KDM4C: variants seen among roughly 807,000 people sequenced by gnomAD.
The protein encoded by KDM4C is lysine demethylase 4C.
A neutral mutation model predicts 129.3 loss-of-function variants in KDM4C; 81 were observed. That is an observed-to-expected ratio of 0.63 (90% CI 0.52 to 0.75). KDM4C has a LOEUF of 0.75. Ranked by LOEUF, KDM4C falls within the 30% of genes least tolerant of loss-of-function variation. The pLI is 0.00. For missense variants in KDM4C, 1,457 were observed against 1,304.0 expected (o/e 1.12, Z -1.81); for synonymous variants, 573 against 456.1 (o/e 1.26, Z -3.26).
intron 2 of KDM4C, among the ~76,000 whole-genome samples, chr9:6,795,430 C>T (rs1355864577): frequency 1.3e-5 from 2 of 152,370 alleles, no homozygotes; most frequent in Non-Finnish European, 2.9e-5. Flanking sequence ...CTCCTGGTTT[C>T]AAGCTATTCT....
intron 8 of KDM4C, among the ~76,000 whole-genome samples, chr9:6,935,291 A>G (rs1326901342): frequency 6.6e-6 from 1 of 152,156 alleles, no homozygotes; most frequent in Non-Finnish European, 1.5e-5. Context: ...TTCTATAATT[A>G]TAATCATATT....
At chr9:7,003,083 C>G (rs1282511831) in intron 12 of KDM4C, among the ~76,000 whole-genome samples, 2 of 152,174 alleles carry the variant, frequency 1.3e-5, no homozygotes, top group Non-Finnish European at 2.9e-5. Context: ...TCAGGCTGGT[C>G]TCGAACTCCT....
chr9:6,973,899 C>T (rs1330485286), intron 8 of KDM4C: 1 of 152,200 alleles, frequency 6.6e-6, no homozygotes, highest in African/African-American at 2.4e-5. Context: ...TAAATGTCTT[C>T]AACATCGCTC....
At position 6,869,439 on chromosome 9, in the gene KDM4C, T is replaced by C. The variant is rs138428011; in HGVS notation, c.630-10573T>C. Among the ~76,000 whole-genome samples the C allele has an allele frequency of 2.4e-3, 365 of 152,322 alleles. 1 individual carries two copies. Among genetic ancestry groups the C allele is most frequent in the Non-Finnish European group, 4.0e-3 (272 of 68,026 alleles). On this transcript the variant is annotated intron_variant, in intron 5 of 21. Coordinates refer to ENST00000381309, the MANE Select transcript of KDM4C (RefSeq NM_015061.6). ...GACACCTCTTTACAAACATGTTTATTGTTACTGTTTTAGCTTAGATTACTT... is the reference window on the plus strand; with the variant it reads ...GACACCTCTTTACAAACATGTTTATCGTTACTGTTTTAGCTTAGATTACTT...
chr9:6,916,009 C>G (rs1820247025), intron 8 of KDM4C, among the ~76,000 whole-genome samples: 1 of 152,080 alleles, frequency 6.6e-6, no homozygotes, highest in Admixed American at 6.6e-5. Flanking sequence ...TCCAACATGG[C>G]ATGAATTTGG....
At chr9:7,152,992 C>G (rs1842854184) in intron 19 of KDM4C, among the ~76,000 whole-genome samples, 1 of 152,192 alleles carries the variant, frequency 6.6e-6, no homozygotes, top group African/African-American at 2.4e-5. Context: ...TGACAGTGAT[C>G]ACTTGTGATA....
intron 8 of KDM4C, among the ~76,000 whole-genome samples, chr9:6,897,885 G>A (rs540856271): frequency 2.0e-5 from 3 of 152,242 alleles, no homozygotes; most frequent in South Asian, 4.1e-4. Context: ...AGCTCGTTTA[G>A]CAGTTGAAAT....
intron 1 of KDM4C, among the ~76,000 whole-genome samples, chr9:6,759,577 C>T (rs189650728): frequency 6.6e-6 from 1 of 152,210 alleles, no homozygotes; most frequent in East Asian, 1.9e-4. Context: ...TTACAGTATC[C>T]CGCAAACTTG....
chr9:6,972,726 G>T (rs187383902), intron 8 of KDM4C, among the ~76,000 whole-genome samples: 1 of 152,160 alleles, frequency 6.6e-6, no homozygotes, highest in Admixed American at 6.5e-5. Context: ...TTAGTTCTGC[G>T]TGTTGGATAC....
At chr9:6,940,865 G>A (rs920282961) in intron 8 of KDM4C, among the ~76,000 whole-genome samples, 1 of 151,090 alleles carries the variant, frequency 6.6e-6, no homozygotes, top group African/African-American at 2.4e-5. Context: ...CTAATATACA[G>A]CATCTATAAG....
At position 6,731,313 on chromosome 9, in the gene KDM4C, AT is replaced by A. The variant is rs1053829449; in HGVS notation, c.49+10326del. 8.4e-4 allele frequency among the ~76,000 whole-genome samples: 96 copies of A among 114,144 alleles called. 1 individual carries two copies. The highest frequency in any genetic ancestry group is 2.6e-3 in the African/African-American group (79 of 30,524). The allele number at this position is 114,144 out of a possible 152,430, so 74.9% of individuals were successfully genotyped here. ...TGTCACATTTAACAGAAGCAACTAC[AT>A]TTTTTTTTTGCTTTTTTTTTTTTTT... On this transcript the variant is annotated intron_variant, in intron 1 of 17. Coordinates refer to the KDM4C transcript ENST00000536108.
chr9:7,076,832 A>G (rs1409475412), intron 17 of KDM4C: 5 of 1,008,460 alleles, frequency 5.0e-6, no homozygotes, highest in Middle Eastern at 4.9e-4. Flanking sequence ...AAAAATTGTC[A>G]TTGGAATCAA....
At chr9:6,729,531 A>G (rs1817254200) in intron 1 of KDM4C, among the ~76,000 whole-genome samples, 1 of 133,872 alleles carries the variant, frequency 7.5e-6, no homozygotes, top group African/African-American at 3.2e-5. Context: ...TGGATGACAG[A>G]GACCCTGTCT....
chr9:7,031,130 G>GTTTATTTATTTA (rs57636781), intron 15 of KDM4C, among the ~76,000 whole-genome samples: 212 of 141,244 alleles, frequency 1.5e-3, no homozygotes, highest in Middle Eastern at 3.6e-3. Flanking sequence ...TATTTTACTT[G>GTTTATTTATTTA]TTTATTTATT....
chr9:6,811,555 C>G (rs1831150216), intron 3 of KDM4C, among the ~76,000 whole-genome samples: 2 of 152,106 alleles, frequency 1.3e-5, no homozygotes, highest in Non-Finnish European at 2.9e-5. Context: ...CAAAGAAAAC[C>G]TAGAGATTTC....
intron 8 of KDM4C, among the ~76,000 whole-genome samples, chr9:6,975,296 A>G (rs1412685933): frequency 6.6e-6 from 1 of 152,212 alleles, no homozygotes; most frequent in Non-Finnish European, 1.5e-5. Flanking sequence ...TAGAAAGCAA[A>G]TATAATGAGT....
chr9:6,997,110 C>T (rs911166763), intron 12 of KDM4C, among the ~76,000 whole-genome samples: 2 of 152,136 alleles, frequency 1.3e-5, no homozygotes, highest in Admixed American at 1.3e-4. Flanking sequence ...GGTAGCAGCA[C>T]CTGCCGCATG....
intron 19 of KDM4C, among the ~76,000 whole-genome samples, chr9:7,158,003 T>A (rs1003408437): frequency 1.3e-5 from 2 of 152,224 alleles, no homozygotes; most frequent in Non-Finnish European, 2.9e-5. Context: ...TTTTGGTTGG[T>A]AGGCTATTAA....
At chr9:6,756,273 G>A (rs1265437204), upstream of KDM4C, among the ~76,000 whole-genome samples, 1 of 152,242 alleles carries the variant, frequency 6.6e-6, no homozygotes, top group Admixed American at 6.5e-5. Flanking sequence ...TCTGAAGACA[G>A]TGTGTAGCTC....
Sources: gnomAD v4.1 joint callset for allele counts (sites outside exome capture counted in the v4.1 genomes callset) on GRCh38, gnomAD v4.1.1 for gene constraint, MANE v1.5 for transcripts, NCBI Gene and HGNC (gene_info 2026-07-23, HGNC 2026-07-21) for gene names.